The following PPP4R2 variants were observed in gnomAD, a reference collection of about 807,000 sequenced individuals.
The protein encoded by PPP4R2 is serine/threonine-protein phosphatase 4 regulatory subunit 2.
PPP4R2 carries 13 observed loss-of-function variants against 47.2 expected under a neutral mutation model. The observed-to-expected ratio is 0.28, with a 90% CI of 0.18 to 0.44. The LOEUF is 0.44. Among genes scored for constraint, PPP4R2 ranks in the 20% least tolerant of loss-of-function variants. The pLI, the probability that PPP4R2 is intolerant of heterozygous loss-of-function variation, is 1.00. For synonymous variants in PPP4R2, 151 were observed against 163.3 expected (o/e 0.92, Z 0.57); for missense variants, 421 against 491.2 (o/e 0.86, Z 1.35).
intron 2 of PPP4R2, among the ~76,000 whole-genome samples, chr3:73,040,063 A>G (rs1282328717): frequency 2.6e-5 from 4 of 152,146 alleles, no homozygotes; most frequent in African/African-American, 9.7e-5. Context: ...CAAAAGAAAA[A>G]AGAAAATGTC....
chr3:73,060,002 T>C (rs1026117220), intron 4 of PPP4R2, among the ~76,000 whole-genome samples: 4 of 151,310 alleles, frequency 2.6e-5, no homozygotes. Flanking sequence ...GAATGAAAAG[T>C]AAGAAATTGA....
At position 73,056,488 on chromosome 3, in the gene PPP4R2, A is replaced by G. The variant is rs1449987403; in HGVS notation, c.288-2549A>G. The stretch of plus-strand genomic sequence containing the variant: ...TCATACTAATATTTCCAGTGGATCC[A>G]TTGATTTGCAGAAAGTGTTTGGTTG... On this transcript the variant is annotated intron_variant, in intron 3 of 8. Transcript: ENST00000356692. Among the ~76,000 whole-genome samples, 3 of 152,318 alleles carry G rather than the reference A, an allele frequency of 2.0e-5. No homozygotes were observed. The East Asian group carries it at 5.8e-4, about 29-fold the overall frequency.
At chr3:73,042,349 T>A (rs1194936446) in intron 2 of PPP4R2, among the ~76,000 whole-genome samples, 3 of 147,284 alleles carry the variant, frequency 2.0e-5, no homozygotes, top group Non-Finnish European at 3.0e-5. Flanking sequence ...TTTTTGTGCC[T>A]GAATATAATT....
At chr3:72,997,120 C>T (rs1427261573) in intron 1 of PPP4R2, 49 bp downstream of exon 1, 2 of 1,293,188 alleles carry the variant, frequency 1.5e-6, no homozygotes, top group African/African-American at 3.1e-5. Flanking sequence ...CTCCGGCTCG[C>T]TCTTCTCTCC....
At chr3:73,041,053 T>C (rs956890424) in intron 2 of PPP4R2, among the ~76,000 whole-genome samples, 6 of 152,216 alleles carry the variant, frequency 3.9e-5, no homozygotes, top group Admixed American at 1.3e-4. Flanking sequence ...ATAATGGCTG[T>C]ACTATTAATG....
chr3:73,021,584 T>G (rs1701960569), intron 2 of PPP4R2, among the ~76,000 whole-genome samples: 1 of 152,058 alleles, frequency 6.6e-6, no homozygotes, highest in Admixed American at 6.6e-5. Flanking sequence ...ACTTTCAACA[T>G]AAATTAGGAA....
intron 3 of PPP4R2, among the ~76,000 whole-genome samples, chr3:73,056,036 A>G (rs780520040): frequency 3.9e-5 from 6 of 152,206 alleles, no homozygotes; most frequent in African/African-American, 7.2e-5. Context: ...TCCTCTCCCT[A>G]TATTTGCTTT....
At chr3:73,004,938 C>G (rs1701569536) in intron 2 of PPP4R2, among the ~76,000 whole-genome samples, 1 of 71,832 alleles carries the variant, frequency 1.4e-5, no homozygotes, top group African/African-American at 6.5e-5. Context: ...TGTTTTGAGT[C>G]GGAGTCGTGT....
At chr3:73,041,663 C>G (rs1456364419) in intron 2 of PPP4R2, among the ~76,000 whole-genome samples, 2 of 152,206 alleles carry the variant, frequency 1.3e-5, no homozygotes, top group East Asian at 1.9e-4. Context: ...GTAGGACTCT[C>G]CTGAGCTTTG....
chr3:73,017,554 A>G (rs1369961898), intron 2 of PPP4R2, among the ~76,000 whole-genome samples: 16 of 152,230 alleles, frequency 1.1e-4, no homozygotes, highest in Admixed American at 1.0e-3. Flanking sequence ...GAGTCTAGAA[A>G]GAGTGAGAGA....
intron 2 of PPP4R2, among the ~76,000 whole-genome samples, chr3:73,034,168 T>G (rs182234920): frequency 1.3e-5 from 2 of 152,316 alleles, no homozygotes; most frequent in East Asian, 3.9e-4. Flanking sequence ...AAACTGGTCA[T>G]TTAGACTTTG....
chr3:73,021,651 G>T (rs937283130), intron 2 of PPP4R2, among the ~76,000 whole-genome samples: 1 of 152,060 alleles, frequency 6.6e-6, no homozygotes, highest in Non-Finnish European at 1.5e-5. Context: ...CAGTATTTGT[G>T]TAATTCCTGA....
chr3:73,020,672 T>TAA (rs1553646728), intron 2 of PPP4R2, among the ~76,000 whole-genome samples: 9 of 133,220 alleles, frequency 6.8e-5, no homozygotes, highest in Non-Finnish European at 9.4e-5. Context: ...CCTGTCTCTT[T>TAA]AAAAAAAAAA....
chr3:73,044,938 A>G (rs538668852), intron 2 of PPP4R2, among the ~76,000 whole-genome samples: 105 of 152,312 alleles, frequency 6.9e-4, no homozygotes, highest in African/African-American at 2.5e-3. Flanking sequence ...TTGATGCACA[A>G]AATTTTAAAT....
chr3:73,014,105 A>G (rs2107232650), intron 2 of PPP4R2, among the ~76,000 whole-genome samples: 1 of 129,828 alleles, frequency 7.7e-6, no homozygotes, highest in South Asian at 2.4e-4. Context: ...AAGTTAATAT[A>G]CTGGCACAGA....
chr3:73,050,264 C>T (rs1478287990), intron 3 of PPP4R2, among the ~76,000 whole-genome samples: 3 of 152,020 alleles, frequency 2.0e-5, no homozygotes, highest in African/African-American at 7.2e-5. Flanking sequence ...CGCGCCTGGC[C>T]CGAACTTACA....
chr3:73,049,942 T>C, intron 3 of PPP4R2, among the ~76,000 whole-genome samples: 1 of 152,012 alleles, frequency 6.6e-6, no homozygotes, highest in African/African-American at 2.4e-5. Context: ...TTGTTTTGTT[T>C]TGTTTTATTT....
In PPP4R2 at chr3:73,064,146, G is replaced by T; in HGVS notation, c.638G>T (p.Ser213Ile). ...CAGCAAAATGAGGAGAAAAATCACA[G>T]GTTTGTATGTTTTATATTTAAAAAC... ...NLQQNEEKNHSDSSTSESEVS... is the reference protein window; with the variant it reads ...NLQQNEEKNHIDSSTSESEVS... Residue 213 changes from serine (S) to isoleucine (I), a missense_variant and splice_region_variant, in exon 7 of 9, where the codon AGT becomes ATT. By Grantham distance (142) the Ser-to-Ile change is moderately radical. This residue lies in a region of PPP4R2 where 317 missense variants were observed against 287.5 expected (regional missense o/e 1.10). Coordinates refer to ENST00000356692, the MANE Select transcript of PPP4R2 (RefSeq NM_174907.4). The T allele has an allele frequency of 6.2e-7, 1 of 1,603,068 alleles. No individual in the cohort carries two copies. Among genetic ancestry groups the T allele is most frequent in the Non-Finnish European group, 8.5e-7 (1 of 1,177,008 alleles).
chr3:73,042,188 TTA>T (rs947200184), intron 2 of PPP4R2, among the ~76,000 whole-genome samples: 6 of 152,116 alleles, frequency 3.9e-5, no homozygotes, highest in South Asian at 4.2e-4. Context: ...GAAAATGTGT[TTA>T]TGTCTTATGA....
Sources: allele counts gnomAD v4.1 joint callset (sites outside exome capture counted in the v4.1 genomes callset), GRCh38; gene constraint gnomAD v4.1.1; regional missense constraint gnomAD v4.1.1; transcripts MANE v1.5; gene names NCBI Gene and HGNC (gene_info 2026-07-23, HGNC 2026-07-21).